The following KCTD8 variants were observed in gnomAD, a reference collection of about 807,000 sequenced individuals.
KCTD8 encodes BTB/POZ domain-containing protein KCTD8.
A neutral mutation model predicts 31.5 loss-of-function variants in KCTD8; 27 were observed. That is an observed-to-expected ratio of 0.86 (90% confidence interval 0.63 to 1.18). The LOEUF (loss-of-function observed/expected upper bound fraction) is 1.18. Ranked by LOEUF, KCTD8 falls within the 50% of genes most tolerant of loss-of-function variation. The pLI, the probability that KCTD8 is intolerant of heterozygous loss-of-function variation, is 0.00. For synonymous variants in KCTD8, 290 were observed against 280.0 expected, an observed-to-expected ratio of 1.04 and a Z score of -0.36; for missense variants, 658 against 647.7, an observed-to-expected ratio of 1.02 and a Z score of -0.17.
intron 1 of KCTD8, among the ~76,000 whole-genome samples, chr4:44,276,359 G>T (rs1716750700): frequency 6.6e-6 from 1 of 151,796 alleles, no homozygotes; most frequent in African/African-American, 2.4e-5. Flanking sequence ...TGTATTCTAG[G>T]TGGAAATTAA....
intron 1 of KCTD8, among the ~76,000 whole-genome samples, chr4:44,426,358 T>C (rs1032249873): frequency 5.3e-5 from 8 of 151,306 alleles, no homozygotes; most frequent in Non-Finnish European, 1.0e-4. Context: ...TTTAAGGAAG[T>C]TGATAGATGA....
At chr4:44,266,656 G>C (rs796478873) in intron 1 of KCTD8, among the ~76,000 whole-genome samples, 22 of 149,988 alleles carry the variant, frequency 1.5e-4, no homozygotes, top group Admixed American at 1.0e-3. Context: ...CCCATCTCAC[G>C]TGCAGAGACA....
chr4:44,219,704 G>T (rs775176166), intron 1 of KCTD8, among the ~76,000 whole-genome samples: 30 of 152,114 alleles, frequency 2.0e-4, no homozygotes, highest in Non-Finnish European at 3.2e-4. Context: ...GTTTTAAACT[G>T]CCCAATTGTG....
chr4:44,359,361 A>C (rs2109429428), intron 1 of KCTD8, among the ~76,000 whole-genome samples: 1 of 152,194 alleles, frequency 6.6e-6, no homozygotes, highest in Non-Finnish European at 1.5e-5. Context: ...ATATTGTATT[A>C]GAACAGTAGG....
chr4:44,235,867 C>A (rs1715276556), intron 1 of KCTD8, among the ~76,000 whole-genome samples: 1 of 151,908 alleles, frequency 6.6e-6, no homozygotes, highest in Non-Finnish European at 1.5e-5. Flanking sequence ...CAATGAGTCC[C>A]TGTATCAGTC....
At chr4:44,276,918 C>T (rs1025375734) in intron 1 of KCTD8, among the ~76,000 whole-genome samples, 2 of 151,888 alleles carry the variant, frequency 1.3e-5, no homozygotes, top group Non-Finnish European at 2.9e-5. Context: ...GTTTTAAGTA[C>T]TCTATGTACA....
intron 1 of KCTD8, among the ~76,000 whole-genome samples, chr4:44,397,811 G>A (rs1370081038): frequency 6.6e-6 from 1 of 151,992 alleles, no homozygotes; most frequent in Non-Finnish European, 1.5e-5. Flanking sequence ...CTTAATATGC[G>A]AGAAAACATT....
chr4:44,220,072 C>A (rs1714764284), intron 1 of KCTD8, among the ~76,000 whole-genome samples: 1 of 152,142 alleles, frequency 6.6e-6, no homozygotes, highest in Non-Finnish European at 1.5e-5. Flanking sequence ...ACTTCAAAGG[C>A]AGGACAGAGC....
At chr4:44,264,892 T>A (rs2109367636) in intron 1 of KCTD8, among the ~76,000 whole-genome samples, 1 of 152,272 alleles carries the variant, frequency 6.6e-6, no homozygotes, top group East Asian at 1.9e-4. Context: ...GCTGGGAAGC[T>A]TGAACTGGGT....
intron 1 of KCTD8, among the ~76,000 whole-genome samples, chr4:44,315,856 C>A (rs1040263106): frequency 2.0e-5 from 3 of 152,066 alleles, no homozygotes; most frequent in Non-Finnish European, 4.4e-5. Flanking sequence ...CAACATAATG[C>A]AATATACTTT....
At chr4:44,324,790 G>A (rs907549581) in intron 1 of KCTD8, among the ~76,000 whole-genome samples, 1 of 151,908 alleles carries the variant, frequency 6.6e-6, no homozygotes, top group Admixed American at 6.5e-5. Context: ...CTTTTTAAAT[G>A]TCTGAGCATC....
chr4:44,358,118 C>T (rs1719393034), intron 1 of KCTD8, among the ~76,000 whole-genome samples: 4 of 149,876 alleles, frequency 2.7e-5, no homozygotes, highest in Admixed American at 2.7e-4. Flanking sequence ...CAATCTTCAA[C>T]TCCCACTTAT....
At chr4:44,235,075 C>A (rs1041798868) in intron 1 of KCTD8, among the ~76,000 whole-genome samples, 1 of 151,628 alleles carries the variant, frequency 6.6e-6, no homozygotes. Context: ...CATAAGTAAT[C>A]AACATTAACC....
At chr4:44,195,250 T>A (rs1713904259) in intron 1 of KCTD8, among the ~76,000 whole-genome samples, 1 of 152,026 alleles carries the variant, frequency 6.6e-6, no homozygotes, top group African/African-American at 2.4e-5. Context: ...ATTATCCAAT[T>A]ATAAGGATTG....
chr4:44,245,553 G>A (rs1367639658), intron 1 of KCTD8, among the ~76,000 whole-genome samples: 1 of 149,728 alleles, frequency 6.7e-6, no homozygotes, highest in Non-Finnish European at 1.5e-5. Context: ...AATTTTATTT[G>A]CAGGGAAAAA....
intron 1 of KCTD8, among the ~76,000 whole-genome samples, chr4:44,278,880 T>A (rs1716822143): frequency 6.6e-6 from 1 of 152,018 alleles, no homozygotes; most frequent in Non-Finnish European, 1.5e-5. Flanking sequence ...CTTTCCCCAA[T>A]ATTTTCTTTA....
At chr4:44,353,073 A>ACAGAATAT (rs1382931362) in intron 1 of KCTD8, among the ~76,000 whole-genome samples, 2 of 152,164 alleles carry the variant, frequency 1.3e-5, no homozygotes, top group Non-Finnish European at 2.9e-5. Flanking sequence ...GAATAAAGAT[A>ACAGAATAT]CAGAATGTTT....
intron 1 of KCTD8, among the ~76,000 whole-genome samples, chr4:44,176,283 T>C (rs1713212392): frequency 6.6e-6 from 1 of 152,158 alleles, no homozygotes; most frequent in Non-Finnish European, 1.5e-5. Context: ...CAGCCAGAGT[T>C]GAGAACAACT....
At chr4:44,271,982 G>T (rs1218054664) in intron 1 of KCTD8, among the ~76,000 whole-genome samples, 1 of 151,870 alleles carries the variant, frequency 6.6e-6, no homozygotes, top group Non-Finnish European at 1.5e-5. Flanking sequence ...CTTGGCATGT[G>T]ATCCTGTTAG....
Sources: allele counts gnomAD v4.1 joint callset (sites outside exome capture counted in the v4.1 genomes callset), GRCh38; gene constraint gnomAD v4.1.1; transcripts MANE v1.5; gene names NCBI Gene and HGNC (gene_info 2026-07-23, HGNC 2026-07-21).